NPHP4: variants seen among roughly 807,000 people sequenced by gnomAD.
NPHP4 encodes nephrocystin-4.
In NPHP4, 151 loss-of-function variants were observed where a neutral mutation model predicts 155.8. The observed-to-expected ratio is 0.97, with a 90% CI of 0.85 to 1.11. The LOEUF is 1.11. Among genes scored for constraint, NPHP4 ranks in the 50% least tolerant of loss-of-function variants. The pLI is 0.00. For synonymous variants in NPHP4, 845 were observed against 816.8 expected, an observed-to-expected ratio of 1.03 and a Z score of -0.59; for missense variants, 1,956 against 1,925.7, an observed-to-expected ratio of 1.02 and a Z score of -0.29.
chr1:5,937,444 G>A (rs1298624592), intron 9 of NPHP4, among the ~76,000 whole-genome samples: 11 of 152,206 alleles, frequency 7.2e-5, no homozygotes, highest in African/African-American at 2.4e-4. Flanking sequence ...TTACTTAGAC[G>A]AAGGTGAAAA....
In NPHP4 at chr1:5,905,685, C is replaced by T. The variant is rs768164283; in HGVS notation, c.1710G>A (p.Glu570=). ...LETSIAEQLQ[E]LPFTPLHAPI... ...GGGCATGCAAAGGCGTGAACGGCAGCTCCTGTAACTGTTCGGCAATGGATG... is the reference window on the plus strand; with the variant it reads ...GGGCATGCAAAGGCGTGAACGGCAGTTCCTGTAACTGTTCGGCAATGGATG... The change falls in exon 14 of 30, where the codon GAG becomes GAA. Residue 570 remains glutamate (E), a synonymous_variant. Coordinates refer to ENST00000378156, the MANE Select transcript of NPHP4 (RefSeq NM_015102.5). This position sits in a 1 kb window ranked among gnomAD's most constrained non-coding sequence, Gnocchi z 4.0. 4 of 1,613,856 alleles carry T rather than the reference C, an allele frequency of 2.5e-6. No individual in the cohort carries two copies. In the South Asian group the frequency reaches 3.3e-5, roughly 13 times the overall value.
chr1:5,973,984 G>A (rs896639719), intron 3 of NPHP4, among the ~76,000 whole-genome samples: 4 of 152,256 alleles, frequency 2.6e-5, no homozygotes, highest in African/African-American at 7.2e-5. Flanking sequence ...AACAGCAAGA[G>A]CACAGGAGCA....
intron 26 of NPHP4, chr1:5,865,648 C>G (rs911163066): frequency 4.8e-5 from 9 of 186,786 alleles, no homozygotes; most frequent in African/African-American, 1.6e-4. Context: ...CCAAGGGCAG[C>G]GCCACGCAGG....
chr1:5,983,466 A>G (rs1226593697), intron 2 of NPHP4, among the ~76,000 whole-genome samples: 1 of 152,210 alleles, frequency 6.6e-6, no homozygotes, highest in Non-Finnish European at 1.5e-5. Context: ...ATGCTACACA[A>G]CATTTCACGT....
chr1:5,964,941 A>ATTTTTTTTTTTTTTTTTTTTTTTT (rs55734317), intron 5 of NPHP4, among the ~76,000 whole-genome samples: 1 of 59,418 alleles, frequency 1.7e-5, no homozygotes, highest in African/African-American at 8.5e-5. Context: ...ATATATATAT[A>ATTTTTTTTTTTTTTTTTTTTTTTT]TTTTTTTTTT....
chr1:5,894,911 T>C (rs1644317026), intron 16 of NPHP4, among the ~76,000 whole-genome samples: 1 of 152,178 alleles, frequency 6.6e-6, no homozygotes, highest in African/African-American at 2.4e-5. Context: ...CTGTTCACAA[T>C]AGAAAAGACG....
chr1:5,978,540 G>A (rs1256029500), intron 2 of NPHP4, 127 bp from the exon 3 acceptor site: 5 of 848,476 alleles, frequency 5.9e-6, no homozygotes, highest in Non-Finnish European at 9.2e-6. Context: ...TCCTTATTGG[G>A]AGGCTACCTC....
At chr1:5,937,726 CAT>C (rs1646620130) in intron 9 of NPHP4, among the ~76,000 whole-genome samples, 1 of 152,238 alleles carries the variant, frequency 6.6e-6, no homozygotes, top group South Asian at 2.1e-4. Flanking sequence ...ATGGAGGTGA[CAT>C]GTGGCACTTG....
In NPHP4 at chr1:5,873,314, C is replaced by T. The variant is rs1479758700; in HGVS notation, c.3253G>A (p.Glu1085Lys). Residue 1085 changes from glutamate (E) to lysine (K), a missense_variant, in exon 23 of 30, where the codon GAG (glutamate) becomes AAG (lysine). Glu to Lys is a moderately conservative substitution (Grantham distance 56). Coordinates refer to ENST00000378156, the MANE Select transcript of NPHP4 (RefSeq NM_015102.5). ...MVQASPGLSN[E>K]KGMDAVSPWK... Reference sequence around the variant, plus strand: ...GGTGACACGGCGTCCATGCCCTTCTCGTTGCTCAACCCAGGAGAGGCCTGC... The same window carrying T: ...GGTGACACGGCGTCCATGCCCTTCTTGTTGCTCAACCCAGGAGAGGCCTGC... 3.7e-6 allele frequency: 6 copies of T among 1,613,978 alleles called. No individual in the cohort carries two copies. Among genetic ancestry groups the T allele is most frequent in the South Asian group, 1.1e-5 (1 of 91,084 alleles).
At chr1:5,967,235 G>A (rs2102227652) in intron 5 of NPHP4, 64 bp downstream of exon 5, 6 of 1,225,812 alleles carry the variant, frequency 4.9e-6, no homozygotes, top group Middle Eastern at 1.9e-4. Flanking sequence ...AGAGCTAAAG[G>A]TGGGGAACAC....
At chr1:5,918,879 A>G (rs1262073965) in intron 11 of NPHP4, among the ~76,000 whole-genome samples, 1 of 152,220 alleles carries the variant, frequency 6.6e-6, no homozygotes, top group African/African-American at 2.4e-5. Flanking sequence ...TTCACAGAGA[A>G]GTTTTATCAG....
At chr1:5,952,622 C>A (rs1648359816) in intron 7 of NPHP4, 78 bp downstream of exon 7, 2 of 408,786 alleles carry the variant, frequency 4.9e-6, no homozygotes, top group African/African-American at 4.6e-5. Flanking sequence ...CTACCCTGCC[C>A]CACCTCCTCC....
intron 6 of NPHP4, among the ~76,000 whole-genome samples, chr1:5,953,423 T>A (rs1223079716): frequency 6.6e-6 from 1 of 152,130 alleles, no homozygotes; most frequent in Non-Finnish European, 1.5e-5. Context: ...TTTTTATAAT[T>A]CGACAACTCA....
chr1:5,921,488 T>G, intron 11 of NPHP4, among the ~76,000 whole-genome samples: 1 of 152,276 alleles, frequency 6.6e-6, no homozygotes, highest in East Asian at 1.9e-4. Context: ...CAGGAACTTT[T>G]GCACTATTAG....
intron 16 of NPHP4, among the ~76,000 whole-genome samples, chr1:5,898,586 C>T (rs1468971704): frequency 3.9e-5 from 6 of 152,244 alleles, no homozygotes; most frequent in African/African-American, 4.8e-5. Flanking sequence ...TCCTCCTGAT[C>T]GGGACATGGC....
At chr1:5,893,989 G>A (rs866101026) in intron 16 of NPHP4, among the ~76,000 whole-genome samples, 5 of 152,184 alleles carry the variant, frequency 3.3e-5, no homozygotes, top group Admixed American at 2.0e-4. Context: ...ACCGTAGAGC[G>A]AGGATTATTA....
chr1:5,888,902 G>C (rs907018291), intron 17 of NPHP4, among the ~76,000 whole-genome samples: 3 of 152,182 alleles, frequency 2.0e-5, no homozygotes, highest in African/African-American at 7.2e-5. Flanking sequence ...CATGTCATTA[G>C]GGAGAAGAGG....
chr1:5,945,329 C>T (rs1025256412), intron 9 of NPHP4, among the ~76,000 whole-genome samples: 13 of 151,758 alleles, frequency 8.6e-5, no homozygotes, highest in Admixed American at 3.3e-4. Flanking sequence ...ATGAGCCACA[C>T]CCACCCCAGA....
chr1:5,922,049 A>C (rs1314458296), intron 11 of NPHP4, among the ~76,000 whole-genome samples: 4 of 152,226 alleles, frequency 2.6e-5, no homozygotes, highest in Non-Finnish European at 5.9e-5. Context: ...AGGTGGGCCC[A>C]ATGTACTCAC....
Sources: gnomAD v4.1 joint callset for allele counts (sites outside exome capture counted in the v4.1 genomes callset) on GRCh38, gnomAD v4.1.1 for gene constraint, Gnocchi (gnomAD v3.1) non-coding constraint, MANE v1.5 for transcripts, NCBI Gene and HGNC (gene_info 2026-07-23, HGNC 2026-07-21) for gene names.